Variants in ATF7IP observed in about 807,000 individuals in gnomAD.
The protein encoded by ATF7IP is activating transcription factor 7-interacting protein 1.
ATF7IP carries 23 observed loss-of-function variants against 106.4 expected under a neutral mutation model. The ratio of observed to expected loss-of-function variants is 0.22; its 90% CI spans 0.16 to 0.31. The LOEUF (loss-of-function observed/expected upper bound fraction) is 0.31. ATF7IP is among the 10% of genes least tolerant of loss of function. The pLI, the probability that ATF7IP is intolerant of heterozygous loss-of-function variation, is 1.00. For synonymous variants in ATF7IP, 542 were observed against 539.0 expected (o/e 1.01, Z -0.08); for missense variants, 1,334 against 1,524.3 (o/e 0.88, Z 2.08).
chr12:14,421,266 G>A (rs1396919937), intron 1 of ATF7IP, among the ~76,000 whole-genome samples: 1 of 152,118 alleles, frequency 6.6e-6, no homozygotes, highest in Non-Finnish European at 1.5e-5. Flanking sequence ...TTCTGTATTT[G>A]TTGAGGTAAT....
chr12:14,479,715 C>T (rs1361351541), intron 12 of ATF7IP, among the ~76,000 whole-genome samples: 1 of 152,098 alleles, frequency 6.6e-6, no homozygotes, highest in African/African-American at 2.4e-5. Context: ...TGCAGACTTT[C>T]CTATCAGTTA....
chr12:14,384,730 T>G (rs1396856955), intron 1 of ATF7IP, among the ~76,000 whole-genome samples: 1 of 152,178 alleles, frequency 6.6e-6, no homozygotes, highest in Admixed American at 6.5e-5. Flanking sequence ...TTGAGCACTT[T>G]GGGGCTTTTA....
chr12:14,495,297 AC>A (rs1944980233), intron 13 of ATF7IP, among the ~76,000 whole-genome samples: 2 of 152,200 alleles, frequency 1.3e-5, no homozygotes, highest in African/African-American at 4.8e-5. Flanking sequence ...CTCAGTATTA[AC>A]CATCACACAT....
rs1321149223 is a variant in ATF7IP at position 14,423,209 on chromosome 12, C to G, written c.-7-700C>G. Among the ~76,000 whole-genome samples the G allele has an allele frequency of 3.3e-5, 5 of 152,032 alleles. No homozygotes were observed. In the South Asian group the frequency reaches 8.3e-4, roughly 25 times the overall value. On this transcript the variant is annotated intron_variant, in intron 1 of 14. Coordinates refer to ENST00000261168, the MANE Select transcript of ATF7IP (RefSeq NM_018179.5). Reference sequence around the variant, plus strand: ...GGAAATGTCTGTTCAAGTCCTTTGACCATTTTTAAATTGGGTGATTTATTA... The same window carrying G: ...GGAAATGTCTGTTCAAGTCCTTTGAGCATTTTTAAATTGGGTGATTTATTA...
In ATF7IP at chr12:14,424,954, G is replaced by T. The variant is rs1941758230; in HGVS notation, c.1039G>T (p.Ala347Ser). Reference protein sequence around the residue: ...EKNKADNNIDANEETLETDDT... With the variant: ...EKNKADNNIDSNEETLETDDT... ...AAATAAAGCTGATAATAATATTGAT[G>T]CTAATGAAGAAACTCTAGAAACAGA... Residue 347 changes from alanine to serine, a missense_variant, in exon 2 of 15, where the codon GCT becomes TCT. Transcript: ENST00000261168. 6.2e-7 allele frequency: 1 copy of T among 1,607,190 alleles called. No individual in the cohort carries two copies. The highest frequency in any genetic ancestry group is 1.3e-5 in the African/African-American group (1 of 74,348).
intron 1 of ATF7IP, among the ~76,000 whole-genome samples, chr12:14,414,666 G>A (rs540335570): frequency 2.0e-5 from 3 of 152,190 alleles, no homozygotes; most frequent in Admixed American, 6.5e-5. Context: ...CTTCAGCCTG[G>A]TGTCCTAGAA....
At chr12:14,403,237 T>C (rs1229093070) in intron 1 of ATF7IP, among the ~76,000 whole-genome samples, 1 of 152,232 alleles carries the variant, frequency 6.6e-6, no homozygotes, top group Non-Finnish European at 1.5e-5. Context: ...AGAAATGAGT[T>C]AATTTTTGTT....
At chr12:14,439,032 G>A (rs1025085195) in intron 5 of ATF7IP, among the ~76,000 whole-genome samples, 2 of 152,032 alleles carry the variant, frequency 1.3e-5, no homozygotes, top group African/African-American at 2.4e-5. Flanking sequence ...TTAATAACAC[G>A]TATTTATTAA....
At position 14,424,931 on chromosome 12, in the gene ATF7IP, A is replaced by G. The variant is rs1941757234; in HGVS notation, c.1016A>G (p.Asn339Ser). ...AGTAAAGACTCATTGGATGAGAAAA[A>G]TAAAGCTGATAATAATATTGATGCT... ...IQSKDSLDEK[N>S]KADNNIDANE... The change falls in exon 2 of 15, where the codon AAT becomes AGT. Residue 339 changes from asparagine to serine, a missense_variant. Asn to Ser is a conservative substitution (Grantham distance 46). This residue lies in a region of ATF7IP where 438 missense variants were observed against 405.3 expected (regional missense o/e 1.08). Coordinates refer to ENST00000261168, the MANE Select transcript of ATF7IP (RefSeq NM_018179.5). 5.0e-6 allele frequency: 8 copies of G among 1,605,516 alleles called. No individual in the cohort carries two copies. The highest frequency in any genetic ancestry group is 6.8e-6 in the Non-Finnish European group (8 of 1,177,916).
intron 1 of ATF7IP, among the ~76,000 whole-genome samples, chr12:14,373,817 C>T (rs1464516781): frequency 1.3e-5 from 2 of 151,902 alleles, no homozygotes; most frequent in Non-Finnish European, 1.5e-5. Flanking sequence ...GTTGGGGTCC[C>T]AGTTATTATA....
chr12:14,432,856 G>A (rs1014318510), intron 2 of ATF7IP, among the ~76,000 whole-genome samples: 8 of 152,082 alleles, frequency 5.3e-5, no homozygotes, highest in African/African-American at 1.9e-4. Flanking sequence ...TTGCAATGAC[G>A]TAAGGGGGAA....
At chr12:14,410,032 A>G (rs994545075) in intron 1 of ATF7IP, among the ~76,000 whole-genome samples, 4 of 152,126 alleles carry the variant, frequency 2.6e-5, no homozygotes, top group Non-Finnish European at 5.9e-5. Context: ...TTGAACATTT[A>G]TATTACCCTA....
At chr12:14,476,826 T>C (rs900256748) in intron 11 of ATF7IP, among the ~76,000 whole-genome samples, 17 of 152,212 alleles carry the variant, frequency 1.1e-4, no homozygotes, top group African/African-American at 4.1e-4. Flanking sequence ...AAAATAATAA[T>C]GTTCTGAGTT....
chr12:14,460,138 G>C (rs988845084), intron 8 of ATF7IP, among the ~76,000 whole-genome samples: 1 of 152,012 alleles, frequency 6.6e-6, no homozygotes, highest in Non-Finnish European at 1.5e-5. Flanking sequence ...TTTTAATGTA[G>C]TTTCAAAAAT....
chr12:14,458,232 C>G (rs1257986086), intron 8 of ATF7IP, among the ~76,000 whole-genome samples: 11 of 152,084 alleles, frequency 7.2e-5, no homozygotes, highest in Admixed American at 5.2e-4. Flanking sequence ...GAGCATTATT[C>G]TCTTACATTT....
chr12:14,456,494 A>C, intron 6 of ATF7IP, 67 bp from the exon 7 acceptor site: 1 of 1,131,130 alleles, frequency 8.8e-7, no homozygotes. Flanking sequence ...CTACAGGTCT[A>C]ATTTTTTTTT....
intron 4 of ATF7IP, among the ~76,000 whole-genome samples, chr12:14,437,084 G>C (rs1565510976): frequency 6.6e-6 from 1 of 152,144 alleles, no homozygotes; most frequent in African/African-American, 2.4e-5. Flanking sequence ...GGAGTATTTA[G>C]AATACGGAGT....
At chr12:14,412,454 A>G (rs780219768) in intron 1 of ATF7IP, among the ~76,000 whole-genome samples, 13 of 152,068 alleles carry the variant, frequency 8.5e-5, no homozygotes, top group African/African-American at 4.8e-5. Flanking sequence ...AATTTATTCA[A>G]TAGTATTTTA....
rs1438060961 is a variant in ATF7IP, at chr12:14,384,578, T to C, written c.-8+18751T>C. On this transcript the variant is annotated intron_variant, in intron 1 of 14. Coordinates refer to ENST00000261168, the MANE Select transcript of ATF7IP (RefSeq NM_018179.5). ...AAACACTCACCTGGGGATGTTAATGTTTGTGACCATCTGTACTACTGAAGA... is the reference window on the plus strand; with the variant it reads ...AAACACTCACCTGGGGATGTTAATGCTTGTGACCATCTGTACTACTGAAGA... Among the ~76,000 whole-genome samples the C allele has an allele frequency of 3.3e-5, 5 of 152,334 alleles. No individual in the cohort carries two copies. The East Asian group carries it at 5.8e-4, about 18-fold the overall frequency.
Sources: allele counts gnomAD v4.1 joint callset (sites outside exome capture counted in the v4.1 genomes callset), GRCh38; gene constraint gnomAD v4.1.1; regional missense constraint gnomAD v4.1.1; transcripts MANE v1.5; gene names NCBI Gene and HGNC (gene_info 2026-07-23, HGNC 2026-07-21).